Variants in TMEM47 observed in about 807,000 individuals in gnomAD.
TMEM47 encodes the protein brain cell membrane protein 1.
TMEM47 carries 3 observed loss-of-function variants against 12.4 expected under a neutral mutation model. That is an observed-to-expected ratio of 0.24 (90% confidence interval 0.11 to 0.63). The LOEUF (loss-of-function observed/expected upper bound fraction) is 0.63. TMEM47 is among the 20% of genes least tolerant of loss of function. The probability of loss-of-function intolerance (pLI) is 0.86; values close to 1 mark genes in which losing one functional copy is unlikely to be tolerated. For synonymous variants in TMEM47, 62 were observed against 63.3 expected (o/e 0.98, Z 0.10); for missense variants, 89 against 143.8 (o/e 0.62, Z 1.95).
At chrX:34,650,914 A>C (rs897719613) in intron 1 of TMEM47, among the ~76,000 whole-genome samples, 1 of 112,094 alleles carries the variant, frequency 8.9e-6, no homozygotes, top group African/African-American at 3.2e-5. Context: ...GTTTTGTCCC[A>C]GTCAGACATT....
chrX:34,654,738 C>T (rs1417758912), intron 1 of TMEM47, among the ~76,000 whole-genome samples: 1 of 111,678 alleles, frequency 9.0e-6, no homozygotes, highest in Non-Finnish European at 1.9e-5. Context: ...TTCCAGAAAA[C>T]CTCTAACAAA....
In TMEM47 at chrX:34,627,113, G is replaced by T. The variant is rs1321380324; in HGVS notation, c.*3200C>A. ...TTTTATTTTTATTTTTTTCCACATA[G>T]ATGACTTCATGTCAACTACAAAAAT... is the stretch of plus-strand genomic sequence containing the variant. On this transcript the variant is annotated 3_prime_UTR_variant, in exon 3 of 3. Coordinates refer to ENST00000275954, the MANE Select transcript of TMEM47 (RefSeq NM_031442.4). 3 of 110,907 alleles carry T rather than the reference G, an allele frequency of 2.7e-5. No individual in the cohort carries two copies. Among genetic ancestry groups the T allele is most frequent in the African/African-American group, 9.9e-5 (3 of 30,410 alleles). 9.1% of individuals were successfully genotyped at this position (110,907 alleles called of 1,213,427 possible).
chrX:34,641,964 C>A (rs774285115), intron 1 of TMEM47, among the ~76,000 whole-genome samples: 2 of 112,762 alleles, frequency 1.8e-5, no homozygotes, highest in African/African-American at 6.4e-5. Flanking sequence ...TCAAGTGATT[C>A]TCATGCCTCA....
chrX:34,639,265 C>A lies in TMEM47; in HGVS notation c.349G>T (p.Val117Phe). 8.4e-7 allele frequency: 1 copy of A among 1,194,284 alleles called. No homozygotes were observed. Among genetic ancestry groups the A allele is most frequent in the Non-Finnish European group, 1.1e-6 (1 of 886,327 alleles). The change falls in exon 2 of 3, where the codon GTC becomes TTC. Residue 117 changes from valine (V) to phenylalanine (F), a missense_variant. Val to Phe is a conservative substitution (Grantham distance 50). Coordinates refer to ENST00000275954, the MANE Select transcript of TMEM47 (RefSeq NM_031442.4). ...TGTTTACCTGCTGCAAAAAGCATGA[C>A]CGCAACAGGTCTATAGAAACGCCTT... ...SRRRFYRPVA[V>F]MLFAAVVLQV...
intron 2 of TMEM47, among the ~76,000 whole-genome samples, chrX:34,638,445 T>C (rs1921755550): frequency 9.0e-6 from 1 of 111,693 alleles, no homozygotes; most frequent in African/African-American, 3.3e-5. Context: ...TTGAAACAGC[T>C]TTTAAAAATC....
At chrX:34,646,389 T>C (rs776262603) in intron 1 of TMEM47, among the ~76,000 whole-genome samples, 4 of 111,763 alleles carry the variant, frequency 3.6e-5, no homozygotes, top group Admixed American at 9.5e-5. Flanking sequence ...TAAGGCAAGT[T>C]CCAGTATTTG....
Position 34,657,010 on chromosome X carries a change from C to A in TMEM47, c.20G>T (p.Gly7Val). 1 of 1,151,666 alleles carries A rather than the reference C, an allele frequency of 8.7e-7. No individual in the cohort carries two copies. The highest frequency in any genetic ancestry group is 1.2e-6 in the Non-Finnish European group (1 of 863,860). The allele number at this position is 1,151,666 out of a possible 1,213,427, so 94.9% of individuals were successfully genotyped here. ...CACCGACACGCGCACCTCCTCCATG[C>A]CGCTGCCCGCCGAAGCCATTCCTGG... Reference protein sequence around the residue: MASAGSGMEEVRVSVLT... With the variant: MASAGSVMEEVRVSVLT... The change falls in exon 1 of 3, where the codon GGC (glycine) becomes GTC (valine). Residue 7 changes from glycine (G) to valine (V), a missense_variant. Coordinates refer to ENST00000275954, the MANE Select transcript of TMEM47 (RefSeq NM_031442.4).
At chrX:34,636,770 C>T (rs12011896) in intron 2 of TMEM47, among the ~76,000 whole-genome samples, 4,205 of 111,712 alleles carry the variant, frequency 0.038, 204 homozygotes, top group African/African-American at 0.13. Context: ...GTACTAAATG[C>T]CTTCAGGTGT....
At chrX:34,640,182 G>A (rs1013183058) in intron 1 of TMEM47, among the ~76,000 whole-genome samples, 2 of 110,925 alleles carry the variant, frequency 1.8e-5, no homozygotes, top group Non-Finnish European at 3.8e-5. Context: ...TTACCATCAC[G>A]GGTGTGGTTT....
chrX:34,656,793 C>T lies in TMEM47; in HGVS notation c.226+11G>A. On this transcript the variant is annotated intron_variant, in intron 1 of 2. Transcript: ENST00000275954. ...GCGGGAGGCAGGGGTCGCGGCGCGC[C>T]AGGCCCTCACCGCTGCTGAGCGTGG... 1 of 1,163,080 alleles carries T rather than the reference C, an allele frequency of 8.6e-7. No individual in the cohort carries two copies. The highest frequency in any genetic ancestry group is 1.1e-6 in the Non-Finnish European group (1 of 871,494).
At chrX:34,656,763 C>T (rs1046173683) in intron 1 of TMEM47, 41 bp downstream of exon 1, 1 of 1,149,212 alleles carries the variant, frequency 8.7e-7, no homozygotes, top group African/African-American at 1.8e-5. Context: ...GCGGGGCAGT[C>T]CGGGGCGGGA....
chrX:34,634,537 A>T (rs1457598868), intron 2 of TMEM47, among the ~76,000 whole-genome samples: 15 of 112,414 alleles, frequency 1.3e-4, no homozygotes, highest in African/African-American at 4.9e-4. Flanking sequence ...CCCTTTGATG[A>T]TTCATACTCT....
At chrX:34,633,174 T>A (rs1380358157) in intron 2 of TMEM47, among the ~76,000 whole-genome samples, 1 of 112,199 alleles carries the variant, frequency 8.9e-6, no homozygotes, top group Non-Finnish European at 1.9e-5. Context: ...GCTACTCTCA[T>A]GGGTAGTCAG....
Position 34,657,021 on chromosome X carries a change from C to G in TMEM47, c.9G>C (p.Ser3=), listed in dbSNP as rs1249339774. The G allele has an allele frequency of 3.5e-6, 4 of 1,148,391 alleles. No homozygotes were observed. Among genetic ancestry groups the G allele is most frequent in the Non-Finnish European group, 3.5e-6 (3 of 862,110 alleles). The allele number at this position is 1,148,391 out of a possible 1,213,427, so 94.6% of individuals were successfully genotyped here. A position where few individuals can be genotyped will look rare whatever the true frequency, so the allele number is the denominator to read the frequency against. The change falls in exon 1 of 3, where the codon TCG becomes TCC. Residue 3 remains serine, a synonymous_variant. Coordinates refer to ENST00000275954, the MANE Select transcript of TMEM47 (RefSeq NM_031442.4). The stretch of plus-strand genomic sequence containing the variant: ...GCACCTCCTCCATGCCGCTGCCCGC[C>G]GAAGCCATTCCTGGGCGCCGCTGTC... MA[S]AGSGMEEVRV...
chrX:34,646,731 G>A lies in TMEM47; in HGVS notation c.227-7344C>T, dbSNP rs770558547. On this transcript the variant is annotated intron_variant, in intron 1 of 2. Coordinates refer to ENST00000275954, the MANE Select transcript of TMEM47 (RefSeq NM_031442.4). ...AACTAAAGTTACTGTAATGGGTTTA[G>A]GGGAGCTAAGAATAATCAAAGAGTA... Among the ~76,000 whole-genome samples the A allele has an allele frequency of 2.7e-5, 3 of 111,055 alleles. No individual in the cohort carries two copies. In the East Asian group the frequency reaches 8.5e-4, roughly 31 times the overall value.
intron 1 of TMEM47, among the ~76,000 whole-genome samples, chrX:34,641,981 C>T (rs1282494429): frequency 8.9e-6 from 1 of 112,499 alleles, no homozygotes; most frequent in African/African-American, 3.2e-5. Flanking sequence ...CTCAGCCTCT[C>T]GAGTAGCAGG....
intron 1 of TMEM47, among the ~76,000 whole-genome samples, chrX:34,655,906 A>C (rs2147143698): frequency 8.9e-6 from 1 of 111,842 alleles, no homozygotes; most frequent in South Asian, 3.8e-4. Flanking sequence ...TTGTAGCGAG[A>C]AATCATAAGT....
chrX:34,633,031 T>C (rs7050987), intron 2 of TMEM47, among the ~76,000 whole-genome samples: 1,279 of 111,614 alleles, frequency 0.011, 18 homozygotes, highest in African/African-American at 0.039. Context: ...TACCAGGATA[T>C]GACTGAAACA....
chrX:34,652,220 C>T (rs1160159870), intron 1 of TMEM47, among the ~76,000 whole-genome samples: 2 of 111,597 alleles, frequency 1.8e-5, no homozygotes, highest in Admixed American at 9.5e-5. Context: ...TTTATTTATT[C>T]GGTTAGTTAT....
Sources: gnomAD v4.1 joint callset for allele counts (sites outside exome capture counted in the v4.1 genomes callset) on GRCh38, gnomAD v4.1.1 for gene constraint, MANE v1.5 for transcripts, NCBI Gene and HGNC (gene_info 2026-07-23, HGNC 2026-07-21) for gene names.